Variants in PTPRM observed in about 807,000 individuals in gnomAD.
PTPRM encodes receptor-type tyrosine-protein phosphatase mu.
A neutral mutation model predicts 186.7 loss-of-function variants in PTPRM; 47 were observed. That is an observed-to-expected ratio of 0.25 (90% CI 0.20 to 0.32). The LOEUF is 0.32. PTPRM is among the 10% of genes least tolerant of loss of function. The pLI is 1.00. For missense variants in PTPRM, 1,494 were observed against 1,865.0 expected, an observed-to-expected ratio of 0.80 and a Z score of 3.66; for synonymous variants, 668 against 674.9, an observed-to-expected ratio of 0.99 and a Z score of 0.16.
In PTPRM at chr18:8,039,164, T is replaced by C. The variant is rs148857482; in HGVS notation, c.1133-30522T>C. ...AGTTAATAAAATGCAGTTGTCAGAA[T>C]TGCAAATACCTGTTAAATCTTATAT... On this transcript the variant is annotated intron_variant, in intron 7 of 32. Transcript: ENST00000580170. Among the ~76,000 whole-genome samples, 668 of 152,252 alleles carry C rather than the reference T, an allele frequency of 4.4e-3. 2 individuals carry two copies. The highest frequency in any genetic ancestry group is 0.016 in the African/African-American group (645 of 41,570).
At chr18:7,679,282 CT>C (rs1308807021) in intron 1 of PTPRM, among the ~76,000 whole-genome samples, 4 of 152,102 alleles carry the variant, frequency 2.6e-5, no homozygotes, top group Non-Finnish European at 4.4e-5. Flanking sequence ...TGTTTTATCA[CT>C]TTTTTTCATA....
intron 14 of PTPRM, among the ~76,000 whole-genome samples, chr18:8,217,701 A>G (rs897942668): frequency 2.0e-5 from 3 of 152,142 alleles, no homozygotes; most frequent in Non-Finnish European, 4.4e-5. Context: ...AGTAAAGACC[A>G]CTTTGCTCAT....
In PTPRM at chr18:7,758,030, A is replaced by G. The variant is rs572608978; in HGVS notation, c.74-16119A>G. Among the ~76,000 whole-genome samples the G allele has an allele frequency of 1.2e-4, 18 of 152,300 alleles. No homozygotes were observed. In the East Asian group the frequency reaches 3.3e-3, roughly 28 times the overall value. On this transcript the variant is annotated intron_variant, in intron 1 of 32. Transcript: ENST00000580170. ...GGCATAATCACGGGGGACACATCCT[A>G]AAATTCAGAGCCCCAACCTCACTCC...
At chr18:8,405,314 C>T (rs985734195) in intron 32 of PTPRM, among the ~76,000 whole-genome samples, 3 of 152,248 alleles carry the variant, frequency 2.0e-5, no homozygotes, top group Non-Finnish European at 2.9e-5. Context: ...TTTTAATTAA[C>T]GGGTGAGGAT....
chr18:8,059,045 A>G (rs1386207824), intron 7 of PTPRM, among the ~76,000 whole-genome samples: 1 of 138,760 alleles, frequency 7.2e-6, no homozygotes, highest in African/African-American at 2.8e-5. Context: ...TACCTTGGGC[A>G]GTATGGCCAT....
rs541867510 is a variant in PTPRM at position 8,214,184 on chromosome 18, A to G, written c.2301-29874A>G. Among the ~76,000 whole-genome samples the G allele has an allele frequency of 7.2e-5, 11 of 152,298 alleles. No homozygotes were observed. In the East Asian group the frequency reaches 1.9e-3, roughly 27 times the overall value. Reference sequence around the variant, plus strand: ...TGTACACTGTTTTGGTGGCAGGTGCACTAATATCCCAGACTTCATTGCTAT... The same window carrying G: ...TGTACACTGTTTTGGTGGCAGGTGCGCTAATATCCCAGACTTCATTGCTAT... On this transcript the variant is annotated intron_variant, in intron 14 of 32. Coordinates refer to ENST00000580170, the MANE Select transcript of PTPRM (RefSeq NM_001105244.2).
intron 17 of PTPRM, chr18:8,248,446 T>G: frequency 1.9e-6 from 1 of 517,384 alleles, no homozygotes; most frequent in East Asian, 3.7e-5. Flanking sequence ...TCTCCCTTTC[T>G]GTGTTCAGAA....
chr18:7,744,041 G>A (rs1000400149), intron 1 of PTPRM, among the ~76,000 whole-genome samples: 1 of 152,152 alleles, frequency 6.6e-6, no homozygotes, highest in Non-Finnish European at 1.5e-5. Context: ...TGGACAGACT[G>A]GGGAAAGCCT....
chr18:7,764,120 G>T (rs764039978), intron 1 of PTPRM, among the ~76,000 whole-genome samples: 1 of 152,050 alleles, frequency 6.6e-6, no homozygotes, highest in Non-Finnish European at 1.5e-5. Context: ...TGATCCAGCC[G>T]TGCTATTCTG....
intron 3 of PTPRM, among the ~76,000 whole-genome samples, chr18:7,897,477 A>C (rs982644456): frequency 6.6e-6 from 1 of 152,148 alleles, no homozygotes; most frequent in Non-Finnish European, 1.5e-5. Context: ...TAGGTGCCGC[A>C]ATACTCTGCA....
At chr18:8,291,053 C>A (rs1007382090) in intron 19 of PTPRM, among the ~76,000 whole-genome samples, 1 of 152,144 alleles carries the variant, frequency 6.6e-6, no homozygotes, top group Non-Finnish European at 1.5e-5. Flanking sequence ...GCCTCACACA[C>A]CTGTCCTTAA....
At position 7,834,528 on chromosome 18, in the gene PTPRM, A is replaced by ACACACACACACACACACT. The variant is rs763752808; in HGVS notation, c.197-53577_197-53576insACACACACACACACACTC. On this transcript the variant is annotated intron_variant, in intron 2 of 32. Coordinates refer to ENST00000580170, the MANE Select transcript of PTPRM (RefSeq NM_001105244.2). Reference sequence around the variant, plus strand: ...CACACACACACACACACACACACACACTTCCAGACTCATTCTTTCAGGTCA... The same window carrying ACACACACACACACACACT: ...CACACACACACACACACACACACACACACACACACACACACACTCTTCCAGACTCATTCTTTCAGGTCA... Among the ~76,000 whole-genome samples the ACACACACACACACACACT allele has an allele frequency of 1.8e-3, 270 of 146,192 alleles. 1 individual carries two copies. Among genetic ancestry groups the ACACACACACACACACACT allele is most frequent in the Middle Eastern group, 3.5e-3 (1 of 286 alleles).
At chr18:8,121,643 A>G (rs2092177462) in intron 13 of PTPRM, among the ~76,000 whole-genome samples, 1 of 152,274 alleles carries the variant, frequency 6.6e-6, no homozygotes. Flanking sequence ...TGCATTTTTT[A>G]TTCTCTTAAA....
chr18:8,188,468 G>A (rs903379187), intron 14 of PTPRM, among the ~76,000 whole-genome samples: 4 of 152,274 alleles, frequency 2.6e-5, no homozygotes, highest in East Asian at 1.9e-4. Context: ...CAGGTGGTGC[G>A]TTACCATGAT....
At chr18:7,647,426 G>T (rs1361786805) in intron 1 of PTPRM, among the ~76,000 whole-genome samples, 1 of 152,174 alleles carries the variant, frequency 6.6e-6, no homozygotes, top group Non-Finnish European at 1.5e-5. Flanking sequence ...TATTAGGTAA[G>T]TTATTGTGAC....
intron 1 of PTPRM, among the ~76,000 whole-genome samples, chr18:7,743,020 G>C (rs921177686): frequency 6.6e-6 from 1 of 152,130 alleles, no homozygotes; most frequent in Non-Finnish European, 1.5e-5. Flanking sequence ...CCTGTCTGAC[G>C]GATGAGAAAG....
At chr18:8,029,535 C>T (rs926660235) in intron 7 of PTPRM, among the ~76,000 whole-genome samples, 2 of 152,152 alleles carry the variant, frequency 1.3e-5, no homozygotes, top group African/African-American at 4.8e-5. Context: ...TTTTGGGAAA[C>T]CATCCTGTGC....
intron 1 of PTPRM, among the ~76,000 whole-genome samples, chr18:7,728,183 A>G (rs894792709): frequency 2.6e-5 from 4 of 152,226 alleles, no homozygotes; most frequent in African/African-American, 9.6e-5. Flanking sequence ...ACTTAACAGT[A>G]TTTCAGTATG....
At chr18:7,874,278 A>G (rs1234491101) in intron 2 of PTPRM, among the ~76,000 whole-genome samples, 1 of 152,128 alleles carries the variant, frequency 6.6e-6, no homozygotes, top group African/African-American at 2.4e-5. Flanking sequence ...ATTTTTTGAC[A>G]TTTTATAAAG....
Sources: allele counts gnomAD v4.1 joint callset (sites outside exome capture counted in the v4.1 genomes callset), GRCh38; gene constraint gnomAD v4.1.1; transcripts MANE v1.5; gene names NCBI Gene and HGNC (gene_info 2026-07-23, HGNC 2026-07-21).